The following COL28A1 variants were observed in gnomAD, a reference collection of about 807,000 sequenced individuals.
COL28A1 encodes the protein collagen alpha-1(XXVIII) chain.
In COL28A1, 161 loss-of-function variants were observed where a neutral mutation model predicts 150.2. The observed-to-expected ratio is 1.07, with a 90% confidence interval of 0.94 to 1.22. The LOEUF is 1.22. Ranked by LOEUF, COL28A1 falls within the 50% of genes most tolerant of loss-of-function variation. The probability of loss-of-function intolerance (pLI) is 0.00; values close to 1 mark genes in which losing one functional copy is unlikely to be tolerated. For missense variants in COL28A1, 1,617 were observed against 1,388.3 expected, an observed-to-expected ratio of 1.16 and a Z score of -2.62; for synonymous variants, 552 against 469.7, an observed-to-expected ratio of 1.18 and a Z score of -2.26.
rs1268623011 is a variant in COL28A1, at chr7:7,455,974, GC to G, written c.1371+69del. 3 of 1,600,140 alleles carry G rather than the reference GC, an allele frequency of 1.9e-6. No homozygotes were observed. In the African/African-American group the frequency reaches 4.0e-5, roughly 22 times the overall value. ...ATACTCATAGATGTTTGCAGGACTGGCCTTCAATGAAGACCAGGATTGGGCT... is the reference window on the plus strand; with the variant it reads ...ATACTCATAGATGTTTGCAGGACTGGCTTCAATGAAGACCAGGATTGGGCT... On this transcript the variant is annotated intron_variant, in intron 16 of 34. Transcript: ENST00000399429.
the COL28A1 span, among the ~76,000 whole-genome samples, chr7:7,541,485 C>G: frequency 6.6e-6 from 1 of 151,992 alleles, no homozygotes; most frequent in African/African-American, 2.4e-5. Context: ...TATATATTTT[C>G]TGTTATTCTA....
chr7:7,443,879 T>C (rs1786010257), intron 19 of COL28A1, among the ~76,000 whole-genome samples: 1 of 152,122 alleles, frequency 6.6e-6, no homozygotes, highest in Non-Finnish European at 1.5e-5. Context: ...GAAAAAGTAA[T>C]TTATCAGCCA....
the COL28A1 span, among the ~76,000 whole-genome samples, chr7:7,342,368 T>C: frequency 1.3e-5 from 2 of 152,082 alleles, no homozygotes; most frequent in Admixed American, 1.3e-4. Flanking sequence ...TAGTTAGATA[T>C]TTTTATCCAA....
intron 7 of COL28A1, among the ~76,000 whole-genome samples, chr7:7,517,578 A>T (rs1055646817): frequency 6.6e-6 from 1 of 152,146 alleles, no homozygotes; most frequent in Non-Finnish European, 1.5e-5. Flanking sequence ...GATAGGGTTG[A>T]ACACTCCTGC....
chr7:7,527,315 G>A (rs1782080300), intron 3 of COL28A1, among the ~76,000 whole-genome samples: 1 of 152,214 alleles, frequency 6.6e-6, no homozygotes, highest in African/African-American at 2.4e-5. Context: ...CCAGGGGCGG[G>A]GGAGCCGCTA....
At chr7:7,339,334 A>C in the COL28A1 span, among the ~76,000 whole-genome samples, 1 of 152,100 alleles carries the variant, frequency 6.6e-6, no homozygotes, top group Non-Finnish European at 1.5e-5. Flanking sequence ...CACCAGCCCT[A>C]ACACTCCTCT....
At chr7:7,399,403 T>C (rs6950096) in intron 27 of COL28A1, among the ~76,000 whole-genome samples, 15,988 of 152,210 alleles carry the variant, frequency 0.11, 901 homozygotes, top group Middle Eastern at 0.16. Context: ...GTCCTACTTA[T>C]TATAAACTCC....
intron 25 of COL28A1, among the ~76,000 whole-genome samples, chr7:7,424,594 C>A (rs777788162): frequency 1.1e-4 from 16 of 152,078 alleles, no homozygotes; most frequent in Non-Finnish European, 7.4e-5. Context: ...GCAGAGGGAG[C>A]CCTTGTATTA....
chr7:7,440,860 C>G lies in COL28A1; in HGVS notation c.1652G>C (p.Gly551Ala), dbSNP rs781727800. ...PPGKGQPGPK[G>A]DEGKKGSKGN... ...TTTGCTCCCTTTCTTGCCTTCGTCA[C>G]CCTAACAAAATAATTATGAAAATAT... The change falls in exon 21 of 35, where the codon GGT (glycine) becomes GCT (alanine). Residue 551 changes from glycine (G) to alanine (A), a missense_variant and splice_region_variant. Physicochemically the swap from Gly to Ala is moderately conservative, Grantham distance 60 (BLOSUM62 0). Transcript: ENST00000399429. The G allele has an allele frequency of 2.7e-6, 4 of 1,475,812 alleles. No homozygotes were observed. The highest frequency in any genetic ancestry group is 3.8e-6 in the Non-Finnish European group (4 of 1,054,860). The allele number at this position is 1,475,812 out of a possible 1,614,324, so 91.4% of individuals were successfully genotyped here. A position where few individuals can be genotyped will look rare whatever the true frequency, so the allele number is the denominator to read the frequency against.
chr7:7,384,091 T>C (rs1284848701), intron 27 of COL28A1, among the ~76,000 whole-genome samples: 3 of 152,282 alleles, frequency 2.0e-5, no homozygotes, highest in South Asian at 2.1e-4. Flanking sequence ...TATGGTGTTA[T>C]GGTATTGCCT....
intron 25 of COL28A1, among the ~76,000 whole-genome samples, chr7:7,425,905 A>G (rs1310067943): frequency 6.6e-6 from 1 of 152,192 alleles, no homozygotes; most frequent in East Asian, 1.9e-4. Context: ...TTTTCTAAAA[A>G]TATCAATATA....
At chr7:7,492,783 A>G (rs73352222) in intron 11 of COL28A1, among the ~76,000 whole-genome samples, 2,610 of 151,528 alleles carry the variant, frequency 0.017, 61 homozygotes, top group African/African-American at 0.06. Context: ...AGTGGATTGA[A>G]TTCAAAAGTA....
intron 25 of COL28A1, among the ~76,000 whole-genome samples, chr7:7,429,011 T>TA (rs1186144036): frequency 6.6e-6 from 1 of 152,220 alleles, no homozygotes; most frequent in African/African-American, 2.4e-5. Context: ...GCTTTGAGTT[T>TA]AATGTCTGTG....
intron 25 of COL28A1, chr7:7,431,680 G>A (rs947914895): frequency 4.3e-6 from 2 of 469,558 alleles, no homozygotes; most frequent in Non-Finnish European, 4.4e-6. Flanking sequence ...TTTCTAGGAA[G>A]GAATGGTATA....
chr7:7,414,152 C>A (rs1424376190), intron 27 of COL28A1, among the ~76,000 whole-genome samples: 1 of 152,174 alleles, frequency 6.6e-6, no homozygotes, highest in Non-Finnish European at 1.5e-5. Context: ...CACATCCCTC[C>A]TGGCCTCACA....
At chr7:7,378,944 G>T (rs147141821) in intron 30 of COL28A1, among the ~76,000 whole-genome samples, 1 of 152,330 alleles carries the variant, frequency 6.6e-6, no homozygotes, top group East Asian at 1.9e-4. Context: ...TCATTTCCAA[G>T]CTCTGTCCAA....
intron 11 of COL28A1, among the ~76,000 whole-genome samples, chr7:7,500,022 G>T (rs1780434972): frequency 6.6e-6 from 1 of 152,134 alleles, no homozygotes; most frequent in Non-Finnish European, 1.5e-5. Context: ...GTAACACATT[G>T]GATTGTTTAA....
chr7:7,384,303 A>C (rs1455398379), intron 27 of COL28A1, among the ~76,000 whole-genome samples: 1 of 152,144 alleles, frequency 6.6e-6, no homozygotes, highest in Non-Finnish European at 1.5e-5. Context: ...CCAGAAGAGG[A>C]GTGCTTCCTC....
chr7:7,495,469 T>C (rs1245991419), intron 11 of COL28A1, among the ~76,000 whole-genome samples: 1 of 152,034 alleles, frequency 6.6e-6, no homozygotes, highest in African/African-American at 2.4e-5. Context: ...AAAAAGAGAA[T>C]TTCAAAAAGA....
Sources: gnomAD v4.1 joint callset for allele counts (sites outside exome capture counted in the v4.1 genomes callset) on GRCh38, gnomAD v4.1.1 for gene constraint, MANE v1.5 for transcripts, NCBI Gene and HGNC (gene_info 2026-07-23, HGNC 2026-07-21) for gene names.